The following PLS1 variants were observed in gnomAD, a reference collection of about 807,000 sequenced individuals.
The protein encoded by PLS1 is plastin-1.
Under a neutral mutation model 73.7 loss-of-function variants are expected in PLS1, and 32 were observed. That is an observed-to-expected ratio of 0.43 (90% confidence interval 0.33 to 0.58). PLS1 has a LOEUF of 0.58. Among genes scored for constraint, PLS1 ranks in the 20% least tolerant of loss-of-function variants. The pLI, the probability that PLS1 is intolerant of heterozygous loss-of-function variation, is 0.04. For missense variants in PLS1, 633 were observed against 740.5 expected (o/e 0.85, Z 1.68); for synonymous variants, 217 against 261.3 (o/e 0.83, Z 1.63).
chr3:142,711,298 C>T (rs1484097257), intron 14 of PLS1, among the ~76,000 whole-genome samples: 1 of 152,102 alleles, frequency 6.6e-6, no homozygotes. Context: ...GATATGGTGA[C>T]AACTCTATAT....
At chr3:142,678,849 C>A (rs2037781234) in intron 6 of PLS1, among the ~76,000 whole-genome samples, 2 of 151,776 alleles carry the variant, frequency 1.3e-5, no homozygotes. Flanking sequence ...AATCGCCACA[C>A]TGACTTCCAC....
chr3:142,689,863 T>C, intron 10 of PLS1, 50 bp downstream of exon 10: 2 of 1,205,044 alleles, frequency 1.7e-6, no homozygotes, highest in Non-Finnish European at 2.3e-6. Context: ...CTTCTTATGG[T>C]ATTGTCTTAC....
rs77747978 is a variant in PLS1, at chr3:142,628,109, C to T, written c.-37+31600C>T. On this transcript the variant is annotated intron_variant, in intron 1 of 15. Coordinates refer to ENST00000457734, the MANE Select transcript of PLS1 (RefSeq NM_001145319.2). Reference sequence around the variant, plus strand: ...TTGAATATCATGTAGAAAGATGATACCTTGGTTCCCTTGAGAACCTGATTC... The same window carrying T: ...TTGAATATCATGTAGAAAGATGATATCTTGGTTCCCTTGAGAACCTGATTC... 6.9e-3 allele frequency among the ~76,000 whole-genome samples: 1,055 copies of T among 152,196 alleles called. 6 individuals carry two copies. The highest frequency in any genetic ancestry group is 0.012 in the Non-Finnish European group (797 of 67,990).
chr3:142,700,918 C>A (rs1198310009), intron 12 of PLS1, among the ~76,000 whole-genome samples: 1 of 152,120 alleles, frequency 6.6e-6, no homozygotes, highest in South Asian at 2.1e-4. Context: ...CAGGGGTTTC[C>A]GCTTTTGCAT....
At chr3:142,613,506 A>G (rs1317388649) in intron 1 of PLS1, among the ~76,000 whole-genome samples, 1 of 152,138 alleles carries the variant, frequency 6.6e-6, no homozygotes, top group East Asian at 1.9e-4. Flanking sequence ...CAACTTAAAA[A>G]AAGAAAAGAA....
At chr3:142,687,512 C>T (rs947359741) in intron 9 of PLS1, among the ~76,000 whole-genome samples, 12 of 152,062 alleles carry the variant, frequency 7.9e-5, no homozygotes, top group East Asian at 3.8e-4. Flanking sequence ...AGTATTGCAA[C>T]GCTCTGTAAA....
chr3:142,624,785 C>G (rs1054587640), intron 1 of PLS1, among the ~76,000 whole-genome samples: 7 of 152,260 alleles, frequency 4.6e-5, no homozygotes, highest in Admixed American at 1.3e-4. Context: ...AGTGAGTGCC[C>G]TGGGAAAATT....
At chr3:142,670,038 A>C (rs2037571775) in intron 3 of PLS1, among the ~76,000 whole-genome samples, 1 of 149,376 alleles carries the variant, frequency 6.7e-6, no homozygotes, top group African/African-American at 2.6e-5. Flanking sequence ...AAATTGATAA[A>C]AGATAATTGG....
chr3:142,657,021 G>C (rs1232437052), intron 1 of PLS1: 1 of 152,208 alleles, frequency 6.6e-6, no homozygotes, highest in Non-Finnish European at 1.5e-5. Context: ...CCCGAATACT[G>C]CCAAGTCTTT....
chr3:142,712,097 T>C lies in PLS1; in HGVS notation c.*90T>C, dbSNP rs1933156806. ...AATGTAGTGGGTGTAAAACCAGAGA[T>C]TATTTGTATGCTCAAAATAGTTATA... On this transcript the variant is annotated 3_prime_UTR_variant, in exon 16 of 16. Coordinates refer to ENST00000457734, the MANE Select transcript of PLS1 (RefSeq NM_001145319.2). 7.1e-6 allele frequency: 8 copies of C among 1,120,516 alleles called. No individual in the cohort carries two copies. In the South Asian group the frequency reaches 9.4e-5, roughly 13 times the overall value. The allele number at this position is 1,120,516 out of a possible 1,614,324, so 69.4% of individuals were successfully genotyped here. A position where few individuals can be genotyped will look rare whatever the true frequency, so the allele number is the denominator to read the frequency against.
intron 14 of PLS1, among the ~76,000 whole-genome samples, chr3:142,707,205 A>G (rs1396617798): frequency 6.6e-6 from 1 of 152,198 alleles, no homozygotes; most frequent in Non-Finnish European, 1.5e-5. Context: ...GAATGCTAAA[A>G]CATAGTTGAG....
chr3:142,700,845 G>A (rs2038317109), intron 12 of PLS1, among the ~76,000 whole-genome samples: 1 of 152,140 alleles, frequency 6.6e-6, no homozygotes, highest in African/African-American at 2.4e-5. Context: ...TGAATCATGG[G>A]GGCAGTTCCC....
intron 1 of PLS1, among the ~76,000 whole-genome samples, chr3:142,636,726 A>G (rs2036702023): frequency 6.6e-6 from 1 of 152,244 alleles, no homozygotes; most frequent in East Asian, 1.9e-4. Flanking sequence ...TCAACTCACT[A>G]AGAAAACAAA....
intron 1 of PLS1, among the ~76,000 whole-genome samples, chr3:142,621,603 C>G (rs1006453624): frequency 6.6e-6 from 1 of 152,180 alleles, no homozygotes; most frequent in Admixed American, 6.5e-5. Flanking sequence ...TATTCATACA[C>G]ATGTGCATAG....
In PLS1 at chr3:142,620,271, C is replaced by G. The variant is rs372568661; in HGVS notation, c.-37+23762C>G. Among the ~76,000 whole-genome samples, 12 of 152,214 alleles carry G rather than the reference C, an allele frequency of 7.9e-5. No individual in the cohort carries two copies. The South Asian group carries it at 1.2e-3, about 16-fold the overall frequency. On this transcript the variant is annotated intron_variant, in intron 1 of 15. Coordinates refer to ENST00000457734, the MANE Select transcript of PLS1 (RefSeq NM_001145319.2). The stretch of plus-strand genomic sequence containing the variant: ...TTCCAAGTAGCTGGGATTACAGGCA[C>G]CTGCCACCATGCCTGGCTAATTTTT...
chr3:142,645,935 C>T (rs531409009), intron 1 of PLS1, among the ~76,000 whole-genome samples: 6 of 152,280 alleles, frequency 3.9e-5, no homozygotes, highest in African/African-American at 1.2e-4. Context: ...AGGGCAGCTT[C>T]TAACAGGAGA....
At chr3:142,702,885 T>C (rs1468692746) in intron 12 of PLS1, among the ~76,000 whole-genome samples, 2 of 152,194 alleles carry the variant, frequency 1.3e-5, no homozygotes, top group Admixed American at 6.5e-5. Flanking sequence ...TATAGATTTG[T>C]GCACGTAAAA....
At chr3:142,618,453 T>A (rs2036253214) in intron 1 of PLS1, among the ~76,000 whole-genome samples, 1 of 152,206 alleles carries the variant, frequency 6.6e-6, no homozygotes, top group East Asian at 1.9e-4. Context: ...GTTCTGTAGG[T>A]CAGAAGTTTG....
chr3:142,668,573 T>C (rs1482289190), intron 2 of PLS1, among the ~76,000 whole-genome samples: 1 of 152,056 alleles, frequency 6.6e-6, no homozygotes, highest in African/African-American at 2.4e-5. Flanking sequence ...GGTGCTCCCT[T>C]TTTAGCTATC....
Sources: gnomAD v4.1 joint callset for allele counts (sites outside exome capture counted in the v4.1 genomes callset) on GRCh38, gnomAD v4.1.1 for gene constraint, MANE v1.5 for transcripts, NCBI Gene and HGNC (gene_info 2026-07-23, HGNC 2026-07-21) for gene names.